Variants in CDC27 observed in about 807,000 individuals in gnomAD.
The protein encoded by CDC27 is cell division cycle 27.
In CDC27, 27 loss-of-function variants were observed where a neutral mutation model predicts 109.7. The ratio of observed to expected loss-of-function variants is 0.25; its 90% CI spans 0.18 to 0.34. The LOEUF (loss-of-function observed/expected upper bound fraction) is 0.34, where lower values mean the gene tolerates loss of function less well. Ranked by LOEUF, CDC27 falls within the 10% of genes least tolerant of loss-of-function variation. The pLI, the probability that CDC27 is intolerant of heterozygous loss-of-function variation, is 1.00. For synonymous variants in CDC27, 266 were observed against 333.9 expected (o/e 0.80, Z 2.22); for missense variants, 579 against 960.2 (o/e 0.60, Z 5.25).
chr17:47,155,532 C>T (rs570443794), intron 7 of CDC27, among the ~76,000 whole-genome samples: 6 of 152,248 alleles, frequency 3.9e-5, no homozygotes, highest in African/African-American at 1.4e-4. Context: ...AGGCATGAGC[C>T]CCCATGCCCA....
intron 2 of CDC27, among the ~76,000 whole-genome samples, chr17:47,173,653 TAATA>T (rs1183743236): frequency 5.3e-5 from 8 of 152,130 alleles, no homozygotes; most frequent in Non-Finnish European, 2.9e-5. Flanking sequence ...TAAAATTGCC[TAATA>T]AAGACACCAA....
At chr17:47,139,118 A>G (rs898750181) in intron 12 of CDC27, among the ~76,000 whole-genome samples, 1 of 152,192 alleles carries the variant, frequency 6.6e-6, no homozygotes, top group African/African-American at 2.4e-5. Flanking sequence ...AAGCCATGGT[A>G]AGAACATGAA....
At chr17:47,160,352 C>G (rs113228467) in intron 4 of CDC27, among the ~76,000 whole-genome samples, 3 of 151,768 alleles carry the variant, frequency 2.0e-5, no homozygotes, top group Non-Finnish European at 2.9e-5. Flanking sequence ...CTCAGCCTCC[C>G]GAGTAGCTGG....
intron 1 of CDC27, among the ~76,000 whole-genome samples, chr17:47,187,466 A>G (rs2064485936): frequency 6.6e-6 from 1 of 151,476 alleles, no homozygotes; most frequent in Non-Finnish European, 1.5e-5. Flanking sequence ...ACGCCTGGCT[A>G]ATTTTTTATA....
chr17:47,170,103 T>A (rs1320083287), intron 3 of CDC27, 61 bp from the exon 4 acceptor site: 1 of 1,280,266 alleles, frequency 7.8e-7, no homozygotes, highest in African/African-American at 1.5e-5. Context: ...CATGTAAACA[T>A]ATTCTTCATT....
At chr17:47,159,314 C>T (rs963162771) in intron 4 of CDC27, 26 of 663,238 alleles carry the variant, frequency 3.9e-5, no homozygotes, top group Non-Finnish European at 5.6e-5. Context: ...TCCAGAGGTC[C>T]GGGGTCAGGT....
chr17:47,145,304 G>A (rs1317932126), intron 9 of CDC27, among the ~76,000 whole-genome samples: 1 of 152,170 alleles, frequency 6.6e-6, no homozygotes, highest in Non-Finnish European at 1.5e-5. Context: ...AGCCAAAGCA[G>A]CCAGAATTTG....
intron 14 of CDC27, 125 bp from the exon 15 acceptor site, chr17:47,132,499 TAGAGG>T (rs1375624737): frequency 9.7e-6 from 4 of 412,758 alleles, no homozygotes; most frequent in Non-Finnish European, 1.7e-5. Flanking sequence ...CTGGTGGTCT[TAGAGG>T]AGAGGCAAAA....
intron 4 of CDC27, 108 bp from the exon 5 acceptor site, chr17:47,158,411 CTT>C (rs907525865): frequency 3.0e-5 from 13 of 433,360 alleles, no homozygotes; most frequent in African/African-American, 2.7e-4. Flanking sequence ...AGAGAGCACT[CTT>C]TGTGATGCTT....
chr17:47,149,579 C>T (rs1049134627), intron 9 of CDC27, among the ~76,000 whole-genome samples: 2 of 150,410 alleles, frequency 1.3e-5, no homozygotes, highest in African/African-American at 2.4e-5. Context: ...GATATCAGAT[C>T]GCAATCTGGA....
intron 4 of CDC27, among the ~76,000 whole-genome samples, chr17:47,167,808 C>A (rs2063694562): frequency 6.6e-6 from 1 of 152,210 alleles, no homozygotes; most frequent in Non-Finnish European, 1.5e-5. Context: ...TCAGGTCCCA[C>A]AGGTTAAGGG....
chr17:47,133,681 G>A (rs111797798), intron 14 of CDC27, among the ~76,000 whole-genome samples: 256 of 150,628 alleles, frequency 1.7e-3, no homozygotes, highest in African/African-American at 5.8e-3. Context: ...CAGGTGATCC[G>A]CCCGCCTCGG....
intron 9 of CDC27, 131 bp downstream of exon 9, chr17:47,151,675 C>T (rs188799): frequency 0.37 from 246,401 of 658,318 alleles, 47,557 homozygotes; most frequent in Admixed American, 0.44. Context: ...TTAGAGGTTT[C>T]AAATTTTACA....
rs566027840 is a variant in CDC27 at position 47,152,320 on chromosome 17, AAAT to A, written c.958-405_958-403del. 7.2e-5 allele frequency among the ~76,000 whole-genome samples: 11 copies of A among 152,290 alleles called. No individual in the cohort carries two copies. The South Asian group carries it at 1.7e-3, about 23-fold the overall frequency. On this transcript the variant is annotated intron_variant, in intron 8 of 18. Coordinates refer to ENST00000066544, the MANE Select transcript of CDC27 (RefSeq NM_001256.6). Reference sequence around the variant, plus strand: ...GATTTATCTCATTATACACAGAAAAAAATAATAATACGATAAGATTTTATACTC... The same window carrying A: ...GATTTATCTCATTATACACAGAAAAAAATAATACGATAAGATTTTATACTC...
chr17:47,138,943 AT>A, intron 12 of CDC27, 52 bp from the exon 13 acceptor site: 1 of 1,223,372 alleles, frequency 8.2e-7, no homozygotes. Flanking sequence ...ATTTATATAT[AT>A]ACACAGGGAA....
chr17:47,167,701 T>C (rs1416141251), intron 4 of CDC27, among the ~76,000 whole-genome samples: 2 of 152,162 alleles, frequency 1.3e-5, no homozygotes, highest in Non-Finnish European at 2.9e-5. Context: ...TGTGACCAAA[T>C]GTCTGGGTTT....
At chr17:47,132,434 T>C (rs1415365347) in intron 14 of CDC27, 60 bp from the exon 15 acceptor site, 99 of 751,742 alleles carry the variant, frequency 1.3e-4, no homozygotes, top group Non-Finnish European at 1.8e-4. Context: ...CTAATTTAGT[T>C]CAATTAGTAA....
At chr17:47,122,295 T>C in intron 18 of CDC27, 149 bp downstream of exon 18, 1 of 476,730 alleles carries the variant, frequency 2.1e-6, no homozygotes, top group Admixed American at 3.8e-5. Flanking sequence ...ATGCATTTTG[T>C]TATTACATCA....
At chr17:47,122,638 T>A (rs1420606844) in intron 17 of CDC27, 38 bp from the exon 18 acceptor site, 5 of 1,494,350 alleles carry the variant, frequency 3.3e-6, no homozygotes, top group Non-Finnish European at 4.5e-6. Context: ...TTCATTAAGT[T>A]GTGAGCTTCA....
Sources: gnomAD v4.1 joint callset for allele counts (sites outside exome capture counted in the v4.1 genomes callset) on GRCh38, gnomAD v4.1.1 for gene constraint, MANE v1.5 for transcripts, NCBI Gene and HGNC (gene_info 2026-07-23, HGNC 2026-07-21) for gene names.